BCAS3: variants seen among roughly 807,000 people sequenced by gnomAD.
The protein encoded by BCAS3 is BCAS3 microtubule associated cell migration factor, also known as BCAS4/BCAS3 fusion.
In BCAS3, 53 loss-of-function variants were observed where a neutral mutation model predicts 116.1. The observed-to-expected ratio is 0.46, with a 90% CI of 0.37 to 0.57. The LOEUF is 0.57. BCAS3 is among the 20% of genes least tolerant of loss of function. The pLI is 0.00. For synonymous variants in BCAS3, 391 were observed against 408.2 expected (o/e 0.96, Z 0.51); for missense variants, 917 against 1,165.4 (o/e 0.79, Z 3.10).
chr17:60,947,360 G>GTA lies in BCAS3; in HGVS notation c.1221+11_1221+12dup, dbSNP rs775861963. ...GGAGAAACTGAAGCCAAAGTAAGCT[G>GTA]TATAATTTTTCAGAAGGCGATTTCT... On this transcript the variant is annotated intron_variant, in intron 14 of 23. Coordinates refer to ENST00000407086, the MANE Select transcript of BCAS3 (RefSeq NM_017679.5). 6.2e-7 allele frequency: 1 copy of GTA among 1,610,596 alleles called. No homozygotes were observed. The highest frequency in any genetic ancestry group is 8.5e-7 in the Non-Finnish European group (1 of 1,178,232).
rs2143559059 is a variant in BCAS3 at position 61,087,320 on chromosome 17, C to T, written c.2425+2756C>T. On this transcript the variant is annotated intron_variant, in intron 22 of 23. Coordinates refer to ENST00000407086, the MANE Select transcript of BCAS3 (RefSeq NM_017679.5). This position sits in a 1 kb window ranked among gnomAD's most constrained non-coding sequence, Gnocchi z 4.6. Reference sequence around the variant, plus strand: ...TTTATATGACTTCATGGATTATCTTCTTAATTATTCCTATGGCACATGTTA... The same window carrying T: ...TTTATATGACTTCATGGATTATCTTTTTAATTATTCCTATGGCACATGTTA... 1.7e-6 allele frequency: 1 copy of T among 577,974 alleles called. No homozygotes were observed. The highest frequency in any genetic ancestry group is 2.2e-6 in the Non-Finnish European group (1 of 457,926). 35.8% of individuals were successfully genotyped at this position (577,974 alleles called of 1,614,324 possible).
intron 14 of BCAS3, among the ~76,000 whole-genome samples, chr17:60,968,325 C>G (rs968274244): frequency 1.3e-5 from 2 of 152,116 alleles, no homozygotes; most frequent in Non-Finnish European, 2.9e-5. Flanking sequence ...GAGCAATCCT[C>G]TAACCTCAGC....
chr17:61,300,179 G>A lies in BCAS3; in HGVS notation c.2426-68148G>A, dbSNP rs1389811683. On this transcript the variant is annotated intron_variant, in intron 22 of 23. Coordinates refer to ENST00000407086, the MANE Select transcript of BCAS3 (RefSeq NM_017679.5). This position sits in a 1 kb window ranked among gnomAD's most constrained non-coding sequence, Gnocchi z 5.1. ...AAGTAAATACAGCTTATACTGAAAG[G>A]ACAAAACAGCCAGCCAGTCTTCTAT... Among the ~76,000 whole-genome samples, 2 of 152,126 alleles carry A rather than the reference G, an allele frequency of 1.3e-5. No individual in the cohort carries two copies. The highest frequency in any genetic ancestry group is 4.8e-5 in the African/African-American group (2 of 41,420).
At chr17:60,679,876 T>C (rs1464680964) in intron 2 of BCAS3, among the ~76,000 whole-genome samples, 1 of 152,056 alleles carries the variant, frequency 6.6e-6, no homozygotes, top group Non-Finnish European at 1.5e-5. Context: ...CAGTGGCTCA[T>C]GCCTGTAATC....
At chr17:60,841,507 G>C (rs1397273750) in intron 7 of BCAS3, among the ~76,000 whole-genome samples, 4 of 148,666 alleles carry the variant, frequency 2.7e-5, no homozygotes, top group Non-Finnish European at 5.9e-5. Flanking sequence ...AGCCTCCCGA[G>C]TAGCTGGGAC....
chr17:60,890,625 G>GA (rs2057080633), intron 10 of BCAS3, among the ~76,000 whole-genome samples: 1 of 152,092 alleles, frequency 6.6e-6, no homozygotes, highest in Non-Finnish European at 1.5e-5. Context: ...AATAAGTGAA[G>GA]ATACTATATG....
Position 61,186,532 on chromosome 17 carries a change from T to A in BCAS3, c.2425+101968T>A, listed in dbSNP as rs1449486845. Among the ~76,000 whole-genome samples the A allele has an allele frequency of 6.6e-6, 1 of 152,242 alleles. No individual in the cohort carries two copies. The highest frequency in any genetic ancestry group is 2.4e-5 in the African/African-American group (1 of 41,464). On this transcript the variant is annotated intron_variant, in intron 22 of 23. Coordinates refer to ENST00000407086, the MANE Select transcript of BCAS3 (RefSeq NM_017679.5). The surrounding 1 kb of genome is among the most constrained non-coding windows in gnomAD (Gnocchi z 4.9). ...TATGTTTTTTCCTGCTTTCTAAATA[T>A]GGTCATAAATATGCTCATAACTTAT...
rs987691149 is a variant in BCAS3, at chr17:61,344,426, G to A, written c.2426-23901G>A. Among the ~76,000 whole-genome samples, 3 of 152,106 alleles carry A rather than the reference G, an allele frequency of 2.0e-5. No individual in the cohort carries two copies. The highest frequency in any genetic ancestry group is 6.5e-5 in the Admixed American group (1 of 15,270). On this transcript the variant is annotated intron_variant, in intron 22 of 23. Transcript: ENST00000407086. The surrounding 1 kb of genome is among the most constrained non-coding windows in gnomAD (Gnocchi z 4.1). ...ATCTGTGCACTGATGTTAGTGTCCC[G>A]TTGTCATTTAAGTCCTTGATTCTCT...
At chr17:61,353,499 T>G (rs952851203) in intron 22 of BCAS3, 1 of 152,336 alleles carries the variant, frequency 6.6e-6, no homozygotes, top group African/African-American at 2.4e-5. Context: ...TTCTCCAGTC[T>G]AAGTTCTGCC....
chr17:61,181,594 T>G lies in BCAS3; in HGVS notation c.2425+97030T>G, dbSNP rs1185775759. ...AAAATATCCACTAATTGGTGTTTCT[T>G]TCTGAGTTGCCAAATGCTGAGAAAG... On this transcript the variant is annotated intron_variant, in intron 22 of 23. Transcript: ENST00000407086. This position sits in a 1 kb window ranked among gnomAD's most constrained non-coding sequence, Gnocchi z 5.0. Among the ~76,000 whole-genome samples, 1 of 152,202 alleles carries G rather than the reference T, an allele frequency of 6.6e-6. No homozygotes were observed. Among genetic ancestry groups the G allele is most frequent in the Non-Finnish European group, 1.5e-5 (1 of 68,034 alleles).
intron 6 of BCAS3, among the ~76,000 whole-genome samples, chr17:60,767,593 C>T (rs2044247791): frequency 1.3e-5 from 2 of 152,140 alleles, no homozygotes; most frequent in East Asian, 1.9e-4. Context: ...GTGATCCACC[C>T]TCTTCAGCCT....
chr17:61,167,715 C>T (rs1194761040), intron 22 of BCAS3, among the ~76,000 whole-genome samples: 1 of 152,016 alleles, frequency 6.6e-6, no homozygotes, highest in Non-Finnish European at 1.5e-5. Flanking sequence ...CTGTGGGAGC[C>T]CAGACATTGG....
chr17:61,061,039 C>G (rs2069971432), intron 19 of BCAS3, among the ~76,000 whole-genome samples: 1 of 152,166 alleles, frequency 6.6e-6, no homozygotes, highest in Admixed American at 6.5e-5. Flanking sequence ...ATGCTTTCCC[C>G]TATCCTCTCG....
chr17:61,317,846 G>T (rs1171948137), intron 22 of BCAS3, among the ~76,000 whole-genome samples: 1 of 152,248 alleles, frequency 6.6e-6, no homozygotes, highest in Non-Finnish European at 1.5e-5. Flanking sequence ...CCAGCCAAGG[G>T]CCCTGCCATG....
chr17:61,300,162 A>G lies in BCAS3; in HGVS notation c.2426-68165A>G, dbSNP rs1426201224. On this transcript the variant is annotated intron_variant, in intron 22 of 23. Coordinates refer to ENST00000407086, the MANE Select transcript of BCAS3 (RefSeq NM_017679.5). This position sits in a 1 kb window ranked among gnomAD's most constrained non-coding sequence, Gnocchi z 5.1. ...TGCTGTTGCATTATTAGAAGTAAAT[A>G]CAGCTTATACTGAAAGGACAAAACA... Among the ~76,000 whole-genome samples the G allele has an allele frequency of 6.6e-6, 1 of 152,194 alleles. No homozygotes were observed. The highest frequency in any genetic ancestry group is 1.9e-4 in the East Asian group (1 of 5,198).
chr17:60,859,712 G>T (rs968057639), intron 7 of BCAS3, among the ~76,000 whole-genome samples: 2 of 151,888 alleles, frequency 1.3e-5, no homozygotes, highest in Non-Finnish European at 2.9e-5. Flanking sequence ...GGGATTACAG[G>T]TGTGCACGAC....
rs2069368035 is a variant in BCAS3, at chr17:61,056,221, G to A, written c.2029+15329G>A. On this transcript the variant is annotated intron_variant, in intron 19 of 23. Coordinates refer to ENST00000407086, the MANE Select transcript of BCAS3 (RefSeq NM_017679.5). The surrounding 1 kb of genome is among the most constrained non-coding windows in gnomAD (Gnocchi z 4.9). ...GAAATTGATTAGTGGCCAAAATAAA[G>A]ATGGAAAGTAAGAAAACTGTCATGT... is the stretch of plus-strand genomic sequence containing the variant. Among the ~76,000 whole-genome samples the A allele has an allele frequency of 6.6e-6, 1 of 152,188 alleles. No homozygotes were observed. The highest frequency in any genetic ancestry group is 2.4e-5 in the African/African-American group (1 of 41,458).
chr17:61,079,459 G>C lies in BCAS3; in HGVS notation c.2327+930G>C, dbSNP rs1035697942. Among the ~76,000 whole-genome samples the C allele has an allele frequency of 3.3e-5, 5 of 152,178 alleles. No homozygotes were observed. The East Asian group carries it at 9.6e-4, about 29-fold the overall frequency. On this transcript the variant is annotated intron_variant, in intron 21 of 23. Transcript: ENST00000407086. ...AGAAAATATGACACATATTTACTGA[G>C]TACCTGCCAGGAGGTGCCAGGAGAT...
chr17:60,781,190 G>A (rs1030726332), intron 6 of BCAS3, among the ~76,000 whole-genome samples: 1 of 151,470 alleles, frequency 6.6e-6, no homozygotes, highest in African/African-American at 2.4e-5. Flanking sequence ...GGCTGGTCTC[G>A]AACTCCTGAC....
Sources: allele counts gnomAD v4.1 joint callset (sites outside exome capture counted in the v4.1 genomes callset), GRCh38; gene constraint gnomAD v4.1.1; non-coding constraint Gnocchi (gnomAD v3.1); transcripts MANE v1.5; gene names NCBI Gene and HGNC (gene_info 2026-07-23, HGNC 2026-07-21).